IDE: variants seen among roughly 807,000 people sequenced by gnomAD.
IDE encodes insulin degrading enzyme, also known as insulin-degrading enzyme.
In IDE, 58 loss-of-function variants were observed where a neutral mutation model predicts 133.2. The ratio of observed to expected loss-of-function variants is 0.44; its 90% CI spans 0.35 to 0.54. The LOEUF is 0.54. Among genes scored for constraint, IDE ranks in the 20% least tolerant of loss-of-function variants. IDE has a pLI of 0.00. For synonymous variants in IDE, 396 were observed against 421.3 expected, an observed-to-expected ratio of 0.94 and a Z score of 0.73; for missense variants, 981 against 1,234.0, an observed-to-expected ratio of 0.79 and a Z score of 3.07.
intron 1 of IDE, among the ~76,000 whole-genome samples, chr10:92,568,342 T>C (rs1040962699): frequency 6.6e-6 from 1 of 152,172 alleles, no homozygotes; most frequent in African/African-American, 2.4e-5. Context: ...AGTGAACTCA[T>C]ACATCTTTAT....
In IDE at chr10:92,568,523, T is replaced by C. The variant is rs574549975; in HGVS notation, c.98+5399A>G. ...AACTAAGGAAATTGTTATCCAAATA[T>C]AGAATAATACAGCCGGGCACGGTGG... is the stretch of plus-strand genomic sequence containing the variant. On this transcript the variant is annotated intron_variant, in intron 1 of 24. Transcript: ENST00000265986. Among the ~76,000 whole-genome samples, 15 of 152,200 alleles carry C rather than the reference T, an allele frequency of 9.9e-5. No individual in the cohort carries two copies. In the East Asian group the frequency reaches 2.5e-3, roughly 25 times the overall value.
In IDE at chr10:92,515,039, T is replaced by C; in HGVS notation, c.665A>G (p.Asn222Ser). The change falls in exon 5 of 25, where the codon AAC becomes AGC. Residue 222 changes from asparagine (N) to serine (S), a missense_variant. Asn to Ser is a conservative substitution (Grantham distance 46, BLOSUM62 1). Coordinates refer to ENST00000265986, the MANE Select transcript of IDE (RefSeq NM_004969.4). Reference sequence around the variant, plus strand: ...TGGTCTAGTCTCCAGAGTATATTTGTTACCTGGAAGGGAAGAAAAGGGATT... The same window carrying C: ...TGGTCTAGTCTCCAGAGTATATTTGCTACCTGGAAGGGAAGAAAAGGGATT... Reference protein sequence around the residue: ...KHPFSKFGTGNKYTLETRPNQ... With the variant: ...KHPFSKFGTGSKYTLETRPNQ... 1.9e-6 allele frequency: 3 copies of C among 1,587,966 alleles called. No homozygotes were observed. Among genetic ancestry groups the C allele is most frequent in the Non-Finnish European group, 1.7e-6 (2 of 1,169,038 alleles).
intron 11 of IDE, among the ~76,000 whole-genome samples, chr10:92,502,762 T>C (rs1441581555): frequency 6.6e-6 from 1 of 152,238 alleles, no homozygotes; most frequent in African/African-American, 2.4e-5. Flanking sequence ...TTTCAATTCC[T>C]CAGTAAATTA....
chr10:92,565,795 T>C lies in IDE; in HGVS notation c.98+8127A>G, dbSNP rs138612706. Among the ~76,000 whole-genome samples the C allele has an allele frequency of 1.6e-3, 243 of 152,220 alleles. 3 individuals carry two copies. The highest frequency in any genetic ancestry group is 5.4e-3 in the African/African-American group (224 of 41,538). The stretch of plus-strand genomic sequence containing the variant: ...TCAGACTCAATATCATCAACTACCA[T>C]GTATATTCTTTCTAAAAAATCTCCC... On this transcript the variant is annotated intron_variant, in intron 1 of 24. Coordinates refer to ENST00000265986, the MANE Select transcript of IDE (RefSeq NM_004969.4).
rs780587074 is a variant in IDE at position 92,504,832 on chromosome 10, T to C, written c.1392A>G (p.Ile464Met). The change falls in exon 11 of 25, where the codon ATA becomes ATG. Residue 464 changes from isoleucine to methionine, a missense_variant. Around this residue, in one of 2 missense-constraint regions of IDE, gnomAD observed 660 missense variants for 894.7 expected, o/e 0.74. Transcript: ENST00000265986. ...YLLEEFRPDL[I>M]EMVLDKLRPE... ...GTCTGAGTTTATCGAGAACCATCTC[T>C]ATTAAGTCAGGTCTAAATTCTTCCA... 3 of 1,597,626 alleles carry C rather than the reference T, an allele frequency of 1.9e-6. No homozygotes were observed. Among genetic ancestry groups the C allele is most frequent in the Non-Finnish European group, 8.5e-7 (1 of 1,169,600 alleles).
intron 22 of IDE, among the ~76,000 whole-genome samples, 153 bp from the exon 23 acceptor site, chr10:92,456,584 A>C (rs1440601689): frequency 2.0e-5 from 3 of 152,170 alleles, no homozygotes; most frequent in Non-Finnish European, 4.4e-5. Flanking sequence ...CATGCCTGTA[A>C]TCCCAGCACT....
rs528827447 is a variant in IDE, at chr10:92,569,679, A to T, written c.98+4243T>A. On this transcript the variant is annotated intron_variant, in intron 1 of 24. Transcript: ENST00000265986. ...AAATGATAACAACATAGCAAAACTA[A>T]GGACTCTACAGAAAAAAATTGTTTT... Among the ~76,000 whole-genome samples the T allele has an allele frequency of 8.3e-4, 126 of 152,346 alleles. 3 individuals carry two copies.
intron 1 of IDE, among the ~76,000 whole-genome samples, chr10:92,558,238 C>T (rs555227486): frequency 1.7e-4 from 26 of 152,130 alleles, no homozygotes; most frequent in African/African-American, 6.3e-4. Context: ...ATTTTTAGTA[C>T]AGACAGGGTT....
intron 16 of IDE, among the ~76,000 whole-genome samples, chr10:92,475,590 A>G (rs1407240064): frequency 6.6e-6 from 1 of 152,128 alleles, no homozygotes; most frequent in Non-Finnish European, 1.5e-5. Context: ...GGAACATTCA[A>G]GGAGGCCCTG....
Position 92,555,834 on chromosome 10 carries a change from C to T in IDE, c.98+18088G>A, listed in dbSNP as rs145477975. ...TCAACACTGTCCTGGAAGTTCTAAA[C>T]AGACCAATTAGGCAAGAAAATGAAA... is the stretch of plus-strand genomic sequence containing the variant. On this transcript the variant is annotated intron_variant, in intron 1 of 24. Coordinates refer to ENST00000265986, the MANE Select transcript of IDE (RefSeq NM_004969.4). Among the ~76,000 whole-genome samples the T allele has an allele frequency of 7.3e-3, 1,111 of 152,280 alleles. 11 individuals carry two copies. The highest frequency in any genetic ancestry group is 0.026 in the African/African-American group (1,063 of 41,564).
intron 17 of IDE, among the ~76,000 whole-genome samples, chr10:92,473,102 C>T (rs1334725359): frequency 6.6e-6 from 1 of 151,158 alleles, no homozygotes; most frequent in East Asian, 2.0e-4. Flanking sequence ...GCCACCACGC[C>T]CGGCTAATTT....
At position 92,538,216 on chromosome 10, in the gene IDE, T is replaced by C. The variant is rs571654599; in HGVS notation, c.99-666A>G. Among the ~76,000 whole-genome samples the C allele has an allele frequency of 1.4e-3, 208 of 152,308 alleles. 3 individuals carry two copies. In the South Asian group the frequency reaches 0.014, roughly 10 times the overall value. ...TTCACACTATTTCAGAGGTATCTGCTAGAATAAGTGAGGTGAGATGTTGTG... is the reference window on the plus strand; with the variant it reads ...TTCACACTATTTCAGAGGTATCTGCCAGAATAAGTGAGGTGAGATGTTGTG... On this transcript the variant is annotated intron_variant, in intron 1 of 24. Transcript: ENST00000265986.
rs71028827 is a variant in IDE at position 92,552,857 on chromosome 10, C to CAAAAAAAA, written c.99-15315_99-15308dup. 5.3e-3 allele frequency among the ~76,000 whole-genome samples: 262 copies of CAAAAAAAA among 49,358 alleles called. 25 individuals carry two copies. The highest frequency in any genetic ancestry group is 0.013 in the East Asian group (23 of 1,714). The allele number at this position is 49,358 out of a possible 152,430, so 32.4% of individuals were successfully genotyped here. A position where few individuals can be genotyped will look rare whatever the true frequency, so the allele number is the denominator to read the frequency against. ...TGGGTGACAGAGTAAGACTCAGTCT[C>CAAAAAAAA]AAAAAAAAAAAAAAAAAAAAATTAT... On this transcript the variant is annotated intron_variant, in intron 1 of 24. Coordinates refer to ENST00000265986, the MANE Select transcript of IDE (RefSeq NM_004969.4).
In IDE at chr10:92,463,869, C is replaced by T; in HGVS notation, c.2623G>A (p.Glu875Lys). The change falls in exon 21 of 25, where the codon GAG becomes AAG. Residue 875 changes from glutamate (E) to lysine (K), a missense_variant. Physicochemically the swap from Glu to Lys is moderately conservative, Grantham distance 56. This residue lies in a region of IDE where 660 missense variants were observed against 894.7 expected (regional missense o/e 0.74). Coordinates refer to ENST00000265986, the MANE Select transcript of IDE (RefSeq NM_004969.4). Reference protein sequence around the residue: ...AFLITMEKSIEDMTEEAFQKH... With the variant: ...AFLITMEKSIKDMTEEAFQKH... ...TGGAAGGCCTCTTCTGTCATGTCCT[C>T]TATGGACTTTTCCATGGTAATTAAG... 1 of 1,614,226 alleles carries T rather than the reference C, an allele frequency of 6.2e-7. No homozygotes were observed. The highest frequency in any genetic ancestry group is 8.5e-7 in the Non-Finnish European group (1 of 1,180,048).
In IDE at chr10:92,452,531, T is replaced by C. The variant is rs540781100; in HGVS notation, c.*1913A>G. On this transcript the variant is annotated 3_prime_UTR_variant, in exon 25 of 25. Coordinates refer to ENST00000265986, the MANE Select transcript of IDE (RefSeq NM_004969.4). Reference sequence around the variant, plus strand: ...AGCAGCTCTAGATCCAACCTGGAAATTGGAAAATGCTGACGCATACCAAAC... The same window carrying C: ...AGCAGCTCTAGATCCAACCTGGAAACTGGAAAATGCTGACGCATACCAAAC... 5.3e-5 allele frequency: 8 copies of C among 152,190 alleles called. No individual in the cohort carries two copies. The highest frequency in any genetic ancestry group is 1.9e-4 in the East Asian group (1 of 5,200). 9.4% of individuals were successfully genotyped at this position (152,190 alleles called of 1,614,324 possible). A position where few individuals can be genotyped will look rare whatever the true frequency, so the allele number is the denominator to read the frequency against.
At chr10:92,503,365 T>C (rs181429953) in intron 11 of IDE, among the ~76,000 whole-genome samples, 37 of 152,304 alleles carry the variant, frequency 2.4e-4, no homozygotes, top group African/African-American at 7.9e-4. Context: ...AGATAGGGTG[T>C]CACTATGCTG....
At chr10:92,550,831 T>C (rs945228748) in intron 1 of IDE, among the ~76,000 whole-genome samples, 20 of 151,782 alleles carry the variant, frequency 1.3e-4, no homozygotes, top group Non-Finnish European at 2.2e-4. Context: ...GATCGTGCCA[T>C]TGCACTCCAG....
intron 13 of IDE, among the ~76,000 whole-genome samples, chr10:92,484,021 A>T (rs554303012): frequency 6.6e-6 from 1 of 152,308 alleles, no homozygotes; most frequent in East Asian, 1.9e-4. Flanking sequence ...CCTTCAGATG[A>T]CTGAAACCTT....
intron 11 of IDE, among the ~76,000 whole-genome samples, chr10:92,499,669 C>T (rs1847904888): frequency 6.6e-6 from 1 of 152,108 alleles, no homozygotes. Flanking sequence ...TGAGCTCAAG[C>T]AATCCTCCCT....
Sources: gnomAD v4.1 joint callset for allele counts (sites outside exome capture counted in the v4.1 genomes callset) on GRCh38, gnomAD v4.1.1 for gene constraint, gnomAD v4.1.1 regional missense constraint, MANE v1.5 for transcripts, NCBI Gene and HGNC (gene_info 2026-07-23, HGNC 2026-07-21) for gene names.